Variants in PCDHA12 observed in about 807,000 individuals in gnomAD.
PCDHA12 encodes the protein protocadherin alpha-12.
A neutral mutation model predicts 60.0 loss-of-function variants in PCDHA12; 44 were observed. The observed-to-expected ratio is 0.73, with a 90% confidence interval of 0.58 to 0.94. The LOEUF is 0.94. Ranked by LOEUF, PCDHA12 falls within the 40% of genes least tolerant of loss-of-function variation. PCDHA12 has a pLI of 0.00. For missense variants in PCDHA12, 1,276 were observed against 1,239.7 expected (o/e 1.03, Z -0.44); for synonymous variants, 569 against 553.0 (o/e 1.03, Z -0.40).
chr5:140,910,175 T>C (rs1296033470), intron 1 of PCDHA12, among the ~76,000 whole-genome samples: 1 of 152,240 alleles, frequency 6.6e-6, no homozygotes. Flanking sequence ...CCTCTGTTTT[T>C]ATAATTCAAA....
chr5:140,923,986 G>A (rs1482099424), intron 1 of PCDHA12, among the ~76,000 whole-genome samples: 2 of 152,074 alleles, frequency 1.3e-5, no homozygotes, highest in African/African-American at 2.4e-5. Flanking sequence ...ATCCCTCTAG[G>A]TGCAGCTCAG....
At chr5:140,908,822 C>G (rs2074167872) in intron 1 of PCDHA12, among the ~76,000 whole-genome samples, 1 of 152,136 alleles carries the variant, frequency 6.6e-6, no homozygotes, top group African/African-American at 2.4e-5. Flanking sequence ...TTTTGGGTTA[C>G]TCGATAAATG....
At chr5:140,966,670 G>C in intron 1 of PCDHA12, 1 of 1,283,064 alleles carries the variant, frequency 7.8e-7, no homozygotes, top group Non-Finnish European at 1.0e-6. Flanking sequence ...AGCAGGCGCA[G>C]GGTGGCACGA....
chr5:140,962,708 A>G (rs982426662), intron 1 of PCDHA12, among the ~76,000 whole-genome samples: 1 of 152,240 alleles, frequency 6.6e-6, no homozygotes, highest in African/African-American at 2.4e-5. Context: ...CTATAATCAT[A>G]TTGGAAAGTA....
At position 140,877,496 on chromosome 5, in the gene PCDHA12, C is replaced by T. The variant is rs563591404; in HGVS notation, c.2024C>T (p.Ala675Val). The change falls in exon 1 of 4, where the codon GCC becomes GTC. Residue 675 changes from alanine (A) to valine (V), a missense_variant. Physicochemically the swap from Ala to Val is moderately conservative, Grantham distance 64. Transcript: ENST00000398631. ...GTGTCGCTGGTGGAGAACGGCCAGG[C>T]CCCAAAGACGTCGTCGCGGGCCTCA... ...VLVSLVENGQ[A>V]PKTSSRASVG... 24 of 1,613,862 alleles carry T rather than the reference C, an allele frequency of 1.5e-5. No individual in the cohort carries two copies. In the East Asian group the frequency reaches 4.9e-4, roughly 33 times the overall value.
intron 1 of PCDHA12, among the ~76,000 whole-genome samples, chr5:140,944,007 C>T (rs1181625750): frequency 1.3e-5 from 2 of 152,046 alleles, no homozygotes; most frequent in Non-Finnish European, 2.9e-5. Flanking sequence ...TGAGTACCCC[C>T]CAAAAGCAAT....
chr5:140,898,422 C>T (rs1554187981), intron 1 of PCDHA12, among the ~76,000 whole-genome samples: 2 of 152,278 alleles, frequency 1.3e-5, no homozygotes, highest in East Asian at 3.9e-4. Context: ...AGCCAGTTTT[C>T]CCAGCACCAT....
At chr5:140,878,993 G>A (rs369200128) in intron 1 of PCDHA12, among the ~76,000 whole-genome samples, 70 of 152,306 alleles carry the variant, frequency 4.6e-4, no homozygotes, top group African/African-American at 1.7e-3. Context: ...AGAAATGAGA[G>A]TATGCCCTAG....
intron 1 of PCDHA12, among the ~76,000 whole-genome samples, chr5:140,949,007 A>T (rs1300926078): frequency 6.6e-6 from 1 of 151,692 alleles, no homozygotes; most frequent in Non-Finnish European, 1.5e-5. Flanking sequence ...TAATTTTTAT[A>T]TGTGATGTTT....
chr5:140,950,473 G>T (rs2094486830), intron 1 of PCDHA12, among the ~76,000 whole-genome samples: 1 of 152,010 alleles, frequency 6.6e-6, no homozygotes, highest in African/African-American at 2.4e-5. Context: ...CATAGTTTCT[G>T]ATGAGAAGTG....
chr5:140,966,726 C>T, intron 1 of PCDHA12: 3 of 1,402,206 alleles, frequency 2.1e-6, no homozygotes, highest in Non-Finnish European at 1.8e-6. Flanking sequence ...GAAGCTGCCG[C>T]CTCCGGCCCT....
intron 1 of PCDHA12, among the ~76,000 whole-genome samples, chr5:140,891,866 T>C (rs2063289213): frequency 6.6e-6 from 1 of 152,184 alleles, no homozygotes; most frequent in Non-Finnish European, 1.5e-5. Flanking sequence ...TCTCTTATGC[T>C]TTTGGCTCTG....
intron 1 of PCDHA12, chr5:140,883,493 C>T (rs1554178441): frequency 6.2e-7 from 1 of 1,614,174 alleles, no homozygotes; most frequent in Non-Finnish European, 8.5e-7. Flanking sequence ...CTCATTAGTG[C>T]TGGACAGCGC....
At chr5:140,983,473 ATAG>A (rs746174585) in intron 3 of PCDHA12, among the ~76,000 whole-genome samples, 7 of 152,242 alleles carry the variant, frequency 4.6e-5, no homozygotes, top group Admixed American at 6.5e-5. Flanking sequence ...CATGATGATA[ATAG>A]TAGTTACTAA....
At chr5:140,910,794 T>A (rs1431401808) in intron 1 of PCDHA12, among the ~76,000 whole-genome samples, 5 of 152,166 alleles carry the variant, frequency 3.3e-5, no homozygotes, top group Non-Finnish European at 7.3e-5. Flanking sequence ...AAATGCAGAA[T>A]CCCTGCTTAG....
rs543512832 is a variant in PCDHA12 at position 140,899,964 on chromosome 5, T to C, written c.2367+22125T>C. On this transcript the variant is annotated intron_variant, in intron 1 of 3. Coordinates refer to ENST00000398631, the MANE Select transcript of PCDHA12 (RefSeq NM_018903.4). Reference sequence around the variant, plus strand: ...CTGGGACCACAGGCATGTGCTGCCATGCCCAGCTACTTTTTTGATTTTTTT... The same window carrying C: ...CTGGGACCACAGGCATGTGCTGCCACGCCCAGCTACTTTTTTGATTTTTTT... 3.3e-5 allele frequency among the ~76,000 whole-genome samples: 5 copies of C among 151,940 alleles called. No individual in the cohort carries two copies. In the South Asian group the frequency reaches 6.2e-4, roughly 19 times the overall value.
At chr5:140,920,930 T>C (rs1286502333) in intron 1 of PCDHA12, among the ~76,000 whole-genome samples, 1 of 151,962 alleles carries the variant, frequency 6.6e-6, no homozygotes, top group Non-Finnish European at 1.5e-5. Flanking sequence ...GTAGGTGATC[T>C]AGCCCTTTCA....
chr5:140,971,698 A>G (rs969936167), intron 1 of PCDHA12, among the ~76,000 whole-genome samples: 16 of 151,980 alleles, frequency 1.1e-4, no homozygotes, highest in Non-Finnish European at 2.2e-4. Context: ...CTCACTAACC[A>G]CCCTGCTATA....
chr5:140,877,964 T>C lies in PCDHA12; in HGVS notation c.2367+125T>C, dbSNP rs1582419472. On this transcript the variant is annotated intron_variant, in intron 1 of 3. Coordinates refer to ENST00000398631, the MANE Select transcript of PCDHA12 (RefSeq NM_018903.4). ...AAACTATCGAATGTCTCATCTTTCTTGGTCATTCTTACTCATTTTGAACTT... is the reference window on the plus strand; with the variant it reads ...AAACTATCGAATGTCTCATCTTTCTCGGTCATTCTTACTCATTTTGAACTT... 3 of 1,310,338 alleles carry C rather than the reference T, an allele frequency of 2.3e-6. No individual in the cohort carries two copies. The East Asian group carries it at 7.9e-5, about 34-fold the overall frequency. 81.2% of individuals were successfully genotyped at this position (1,310,338 alleles called of 1,614,324 possible). A position where few individuals can be genotyped will look rare whatever the true frequency, so the allele number is the denominator to read the frequency against.
Sources: allele counts gnomAD v4.1 joint callset (sites outside exome capture counted in the v4.1 genomes callset), GRCh38; gene constraint gnomAD v4.1.1; transcripts MANE v1.5; gene names NCBI Gene and HGNC (gene_info 2026-07-23, HGNC 2026-07-21).